The following PTPDC1 variants were observed in gnomAD, a reference collection of about 807,000 sequenced individuals.
PTPDC1 encodes protein tyrosine phosphatase domain containing 1, also known as protein tyrosine phosphatase domain-containing protein 1.
Under a neutral mutation model 75.3 loss-of-function variants are expected in PTPDC1, and 53 were observed. That is an observed-to-expected ratio of 0.70 (90% CI 0.56 to 0.88). The LOEUF is 0.88. Ranked by LOEUF, PTPDC1 falls within the 40% of genes least tolerant of loss-of-function variation. The pLI is 0.00. For synonymous variants in PTPDC1, 349 were observed against 366.2 expected (o/e 0.95, Z 0.54); for missense variants, 925 against 998.6 (o/e 0.93, Z 0.99).
intron 2 of PTPDC1, 102 bp from the exon 3 acceptor site, chr9:94,087,729 T>C (rs1467410359): frequency 2.6e-6 from 2 of 760,506 alleles, no homozygotes; most frequent in South Asian, 1.7e-5. Context: ...AACAGAGTTG[T>C]TGAAATCATA....
In PTPDC1 at chr9:94,098,586, T is replaced by C; in HGVS notation, c.2013+7T>C. 3.1e-6 allele frequency: 5 copies of C among 1,599,356 alleles called. No individual in the cohort carries two copies. The highest frequency in any genetic ancestry group is 4.3e-6 in the Non-Finnish European group (5 of 1,169,126). Reference sequence around the variant, plus strand: ...GAAGGTAGAAATGTGGCAGGTATTATTAGTACTTAATTTAATTATAGATAT... The same window carrying C: ...GAAGGTAGAAATGTGGCAGGTATTACTAGTACTTAATTTAATTATAGATAT... On this transcript the variant is annotated splice_region_variant and intron_variant, in intron 6 of 8. Transcript: ENST00000620992.
At chr9:94,093,664 T>C in intron 4 of PTPDC1, among the ~76,000 whole-genome samples, 1 of 149,372 alleles carries the variant, frequency 6.7e-6, no homozygotes. Flanking sequence ...TCCTGGATAA[T>C]ATCCTGCAGA....
intron 1 of PTPDC1, among the ~76,000 whole-genome samples, chr9:94,050,118 A>AT (rs201971520): frequency 6.6e-6 from 1 of 151,446 alleles, no homozygotes; most frequent in Non-Finnish European, 1.5e-5. Flanking sequence ...CATTCATCTA[A>AT]TTTTTTTTCA....
chr9:94,087,085 C>G (rs1362731153), intron 2 of PTPDC1, among the ~76,000 whole-genome samples: 3 of 152,162 alleles, frequency 2.0e-5, no homozygotes, highest in Non-Finnish European at 2.9e-5. Flanking sequence ...CCCAGTTGGC[C>G]CTCCTCATGT....
chr9:94,042,949 G>A (rs1825473989), intron 1 of PTPDC1, among the ~76,000 whole-genome samples: 1 of 152,162 alleles, frequency 6.6e-6, no homozygotes, highest in Non-Finnish European at 1.5e-5. Context: ...TTACTCATCC[G>A]TAAAAAGCAG....
intron 5 of PTPDC1, among the ~76,000 whole-genome samples, chr9:94,095,784 AATT>A (rs1264957823): frequency 2.0e-5 from 3 of 152,214 alleles, no homozygotes; most frequent in East Asian, 3.8e-4. Context: ...AGATATGTAT[AATT>A]ATTATGTTAA....
At chr9:94,045,562 T>A (rs1825571222) in intron 1 of PTPDC1, among the ~76,000 whole-genome samples, 3 of 152,152 alleles carry the variant, frequency 2.0e-5, no homozygotes, top group South Asian at 2.1e-4. Flanking sequence ...GGTATCTCAT[T>A]GTGGTTTTGA....
At chr9:94,062,087 A>C (rs576689933) in intron 1 of PTPDC1, among the ~76,000 whole-genome samples, 18 of 152,182 alleles carry the variant, frequency 1.2e-4, no homozygotes, top group Non-Finnish European at 2.2e-4. Context: ...GGCTTTTAGA[A>C]GCAGCCGGGT....
chr9:94,064,750 G>T, exon 2 of PTPDC1: 1 of 1,613,186 alleles, frequency 6.2e-7, no homozygotes, highest in Non-Finnish European at 8.5e-7. Flanking sequence ...ATGGCTGCAG[G>T]AGTCTTGCCT....
chr9:94,045,461 C>T (rs1825566588), intron 1 of PTPDC1, among the ~76,000 whole-genome samples: 1 of 152,186 alleles, frequency 6.6e-6, no homozygotes, highest in South Asian at 2.1e-4. Context: ...GTCCCACCAA[C>T]AGTGTAAAAG....
intron 5 of PTPDC1, 151 bp downstream of exon 5, chr9:94,095,605 C>CTG: frequency 1.7e-6 from 1 of 602,788 alleles, no homozygotes. Context: ...TTCTGTACCA[C>CTG]TGTAGGGTGT....
intron 4 of PTPDC1, among the ~76,000 whole-genome samples, 160 bp downstream of exon 4, chr9:94,088,423 T>A (rs1827153743): frequency 6.6e-6 from 1 of 152,206 alleles, no homozygotes; most frequent in Admixed American, 6.5e-5. Flanking sequence ...GTATTGCTGT[T>A]GAAAGTAAAG....
Position 94,098,493 on chromosome 9 carries a change from A to T in PTPDC1, c.1927A>T (p.Arg643Ter). The stretch of plus-strand genomic sequence containing the variant: ...ACAGTCTGAATTGAGTGCTGAGGCA[A>T]GAAGAATACTGGCGGCCAAAGCCCT... ...ALQSELSAEA[R>*]RILAAKALAN... The change falls in exon 6 of 9, where the codon AGA becomes TGA. Residue 643 changes from arginine (R) to a stop codon, truncating the protein, a stop_gained. Transcript: ENST00000620992. LOFTEE classifies it high-confidence loss of function. The T allele has an allele frequency of 6.2e-7, 1 of 1,614,202 alleles. No homozygotes were observed. The highest frequency in any genetic ancestry group is 8.5e-7 in the Non-Finnish European group (1 of 1,180,008).
At chr9:94,053,436 GA>G (rs1376237887) in intron 1 of PTPDC1, among the ~76,000 whole-genome samples, 1 of 152,010 alleles carries the variant, frequency 6.6e-6, no homozygotes, top group African/African-American at 2.4e-5. Flanking sequence ...TTTAAAAGAA[GA>G]CTATTTTTGT....
chr9:94,050,382 A>G lies in PTPDC1; in HGVS notation c.-6-14352A>G, dbSNP rs150132491. Reference sequence around the variant, plus strand: ...GGTCTTTGATGTTGGTGACGTACAGATGGGGTTTTGTTGTGGATGTCCTTT... The same window carrying G: ...GGTCTTTGATGTTGGTGACGTACAGGTGGGGTTTTGTTGTGGATGTCCTTT... On this transcript the variant is annotated intron_variant, in intron 1 of 9. Coordinates refer to the PTPDC1 transcript ENST00000375360. Among the ~76,000 whole-genome samples the G allele has an allele frequency of 4.1e-3, 621 of 152,200 alleles. 1 individual carries two copies. The highest frequency in any genetic ancestry group is 6.9e-3 in the Non-Finnish European group (469 of 68,008).
chr9:94,034,913 CTAAT>C (rs1825211966), intron 1 of PTPDC1, among the ~76,000 whole-genome samples: 1 of 151,944 alleles, frequency 6.6e-6, no homozygotes, highest in Non-Finnish European at 1.5e-5. Context: ...CTAAGTCAAG[CTAAT>C]TAATATATTC....
At chr9:94,085,145 A>G in intron 1 of PTPDC1, 106 bp from the exon 2 acceptor site, 5 of 948,712 alleles carry the variant, frequency 5.3e-6, no homozygotes, top group Admixed American at 2.7e-5. Context: ...GTGATTTTGC[A>G]CTGGCTTGTC....
chr9:94,059,334 T>G (rs1284081780), intron 1 of PTPDC1, among the ~76,000 whole-genome samples: 1 of 152,114 alleles, frequency 6.6e-6, no homozygotes, highest in Non-Finnish European at 1.5e-5. Flanking sequence ...ATAAAAATGG[T>G]ATGGTTGGCA....
At chr9:94,099,371 C>T (rs1827751760) in intron 6 of PTPDC1, among the ~76,000 whole-genome samples, 3 of 152,042 alleles carry the variant, frequency 2.0e-5, no homozygotes, top group Admixed American at 2.0e-4. Context: ...CTTGGACAGT[C>T]GTGAATCACC....
Sources: gnomAD v4.1 joint callset for allele counts (sites outside exome capture counted in the v4.1 genomes callset) on GRCh38, gnomAD v4.1.1 for gene constraint, MANE v1.5 for transcripts, NCBI Gene and HGNC (gene_info 2026-07-23, HGNC 2026-07-21) for gene names.